The following RND3 variants were observed in gnomAD, a reference collection of about 807,000 sequenced individuals.
RND3 encodes rho-related GTP-binding protein RhoE.
RND3 carries 8 observed loss-of-function variants against 26.5 expected under a neutral mutation model. The ratio of observed to expected loss-of-function variants is 0.30; its 90% confidence interval spans 0.18 to 0.54. The LOEUF (loss-of-function observed/expected upper bound fraction) is 0.54, where lower values mean the gene tolerates loss of function less well. RND3 is among the 20% of genes least tolerant of loss of function. The probability of loss-of-function intolerance (pLI) is 0.94; values close to 1 mark genes in which losing one functional copy is unlikely to be tolerated. For missense variants in RND3, 207 were observed against 302.8 expected (o/e 0.68, Z 2.35); for synonymous variants, 113 against 113.0 (o/e 1.00, Z 0.00).
In RND3 at chr2:150,487,472, A is replaced by ATATATATATATAGAT; in HGVS notation, c.-38-18_-38-17insATCTATATATATATA. The ATATATATATATAGAT allele has an allele frequency of 2.9e-6, 1 of 343,776 alleles. No homozygotes were observed. Among genetic ancestry groups the ATATATATATATAGAT allele is most frequent in the Non-Finnish European group, 4.1e-6 (1 of 245,266 alleles). The allele number at this position is 343,776 out of a possible 1,614,324, so 21.3% of individuals were successfully genotyped here. The stretch of plus-strand genomic sequence containing the variant: ...GAATTTTCTCTTAAGAAGAAAAAAA[A>ATATATATATATAGAT]AAATATATATATATATATATATTTC... On this transcript the variant is annotated splice_polypyrimidine_tract_variant and intron_variant, in intron 1 of 5. Coordinates refer to ENST00000263895, the MANE Select transcript of RND3 (RefSeq NM_005168.5).
In RND3 at chr2:150,478,579, C is replaced by CAAAAAAAAAAAAAA. The variant is rs1229770069; in HGVS notation, c.239-3609_239-3596dup. Among the ~76,000 whole-genome samples the CAAAAAAAAAAAAAA allele has an allele frequency of 1.9e-3, 207 of 106,294 alleles. 2 individuals are homozygous for CAAAAAAAAAAAAAA. Among genetic ancestry groups the CAAAAAAAAAAAAAA allele is most frequent in the African/African-American group, 6.8e-3 (183 of 26,978 alleles). The allele number at this position is 106,294 out of a possible 152,430, so 69.7% of individuals were successfully genotyped here. A position where few individuals can be genotyped will look rare whatever the true frequency, so the allele number is the denominator to read the frequency against. Reference sequence around the variant, plus strand: ...TACAACACCCTGTGAAGCCAAACGGCAAAAAAAAAAAAAAAAAATTAACTT... The same window carrying CAAAAAAAAAAAAAA: ...TACAACACCCTGTGAAGCCAAACGGCAAAAAAAAAAAAAAAAAAAAAAAAAAAAAAAATTAACTT... On this transcript the variant is annotated intron_variant, in intron 3 of 5. Transcript: ENST00000263895.
intron 4 of RND3, among the ~76,000 whole-genome samples, chr2:150,472,185 C>T (rs1686097978): frequency 6.6e-6 from 1 of 152,142 alleles, no homozygotes; most frequent in African/African-American, 2.4e-5. Context: ...GGGGATAAGG[C>T]AGAGGCAACA....
intron 3 of RND3, among the ~76,000 whole-genome samples, chr2:150,476,531 T>G (rs190535209): frequency 3.2e-4 from 49 of 152,202 alleles, no homozygotes; most frequent in Admixed American, 1.6e-3. Flanking sequence ...GTTACAAGAA[T>G]CAGGAAGAAA....
Position 150,486,571 on chromosome 2 carries a change from G to C in RND3, c.238+123C>G, listed in dbSNP as rs1186678849. Reference sequence around the variant, plus strand: ...AGGGATACAATTTTCGCCCAACAGGGACCGTGGGAATCCCTTGGGAGGGGC... The same window carrying C: ...AGGGATACAATTTTCGCCCAACAGGCACCGTGGGAATCCCTTGGGAGGGGC... On this transcript the variant is annotated intron_variant, in intron 3 of 5. Coordinates refer to ENST00000263895, the MANE Select transcript of RND3 (RefSeq NM_005168.5). The surrounding 1 kb of genome is among the most constrained non-coding windows in gnomAD (Gnocchi z 4.5). The C allele has an allele frequency of 3.8e-6, 3 of 782,244 alleles. No individual in the cohort carries two copies. Among genetic ancestry groups the C allele is most frequent in the Middle Eastern group, 2.8e-4 (1 of 3,602 alleles). 48.5% of individuals were successfully genotyped at this position (782,244 alleles called of 1,614,324 possible). A position where few individuals can be genotyped will look rare whatever the true frequency, so the allele number is the denominator to read the frequency against.
At position 150,471,610 on chromosome 2, in the gene RND3, A is replaced by C. The variant is rs754599817; in HGVS notation, c.483+17T>G. ...CTCTTTCTAAAATCCAGTTTTGCAC[A>C]TGGGCAACATACATACCTGGTCATA... On this transcript the variant is annotated intron_variant, in intron 5 of 5. Transcript: ENST00000263895. The C allele has an allele frequency of 1.3e-6, 2 of 1,570,708 alleles. No homozygotes were observed.
In RND3 at chr2:150,487,469, AAAAAAATAT is replaced by A; in HGVS notation, c.-38-23_-38-15del. On this transcript the variant is annotated splice_polypyrimidine_tract_variant and intron_variant, in intron 1 of 5. Transcript: ENST00000263895. Reference sequence around the variant, plus strand: ...CAGGAATTTTCTCTTAAGAAGAAAAAAAAAAATATATATATATATATATATTTCTCTCTT... The same window carrying A: ...CAGGAATTTTCTCTTAAGAAGAAAAAATATATATATATATATTTCTCTCTT... The A allele has an allele frequency of 2.3e-6, 1 of 444,208 alleles. No homozygotes were observed. Among genetic ancestry groups the A allele is most frequent in the Non-Finnish European group, 3.2e-6 (1 of 316,210 alleles). The allele number at this position is 444,208 out of a possible 1,614,324, so 27.5% of individuals were successfully genotyped here. A position where few individuals can be genotyped will look rare whatever the true frequency, so the allele number is the denominator to read the frequency against.
Position 150,487,474 on chromosome 2 carries a change from A to ATATATATATATT in RND3, c.-38-20_-38-19insAATATATATATA. 1 of 195,420 alleles carries ATATATATATATT rather than the reference A, an allele frequency of 5.1e-6. No individual in the cohort carries two copies. The highest frequency in any genetic ancestry group is 8.9e-6 in the Non-Finnish European group (1 of 112,126). 12.1% of individuals were successfully genotyped at this position (195,420 alleles called of 1,614,324 possible). On this transcript the variant is annotated intron_variant, in intron 1 of 5. Coordinates refer to ENST00000263895, the MANE Select transcript of RND3 (RefSeq NM_005168.5). The stretch of plus-strand genomic sequence containing the variant: ...ATTTTCTCTTAAGAAGAAAAAAAAA[A>ATATATATATATT]ATATATATATATATATATATTTCTC...
intron 3 of RND3, among the ~76,000 whole-genome samples, chr2:150,482,838 C>G (rs1423745529): frequency 2.0e-5 from 3 of 152,080 alleles, no homozygotes; most frequent in Non-Finnish European, 4.4e-5. Flanking sequence ...TGGAAAAGGG[C>G]ACTGGGGTTC....
At chr2:150,484,434 T>C (rs1686325983) in intron 3 of RND3, among the ~76,000 whole-genome samples, 1 of 152,230 alleles carries the variant, frequency 6.6e-6, no homozygotes, top group Admixed American at 6.5e-5. Context: ...TTGGTGGTCC[T>C]GTCACTCTTG....
Position 150,469,919 on chromosome 2 carries a change from T to A in RND3, c.*68A>T. On this transcript the variant is annotated 3_prime_UTR_variant, in exon 6 of 6. Coordinates refer to ENST00000263895, the MANE Select transcript of RND3 (RefSeq NM_005168.5). ...CTTTGGCTGTGCACTTCATTTAGAC[T>A]TCACCTTTTTGTTTGCTGTTGTTTT... 2 of 1,577,618 alleles carry A rather than the reference T, an allele frequency of 1.3e-6. No individual in the cohort carries two copies. Among genetic ancestry groups the A allele is most frequent in the Non-Finnish European group, 1.7e-6 (2 of 1,154,558 alleles).
In RND3 at chr2:150,476,865, G is replaced by T. The variant is rs1482125961; in HGVS notation, c.239-1881C>A. ...ACGAGATGGTTGAACACTATTTATG[G>T]CTACATTAGTATTTCCATATTAGTT... On this transcript the variant is annotated intron_variant, in intron 3 of 5. Coordinates refer to ENST00000263895, the MANE Select transcript of RND3 (RefSeq NM_005168.5). Among the ~76,000 whole-genome samples the T allele has an allele frequency of 2.6e-5, 4 of 152,114 alleles. No individual in the cohort carries two copies. The East Asian group carries it at 5.8e-4, about 22-fold the overall frequency.
Position 150,470,182 on chromosome 2 carries a change from T to G in RND3, c.540A>C (p.Leu180Phe), listed in dbSNP as rs1430293512. ...GAATYIECSA[L>F]QSENSVRDIF... is the part of the protein sequence containing the mutation. ...TGTCTCTGACGCTATTTTCCGACTG[T>G]AAAGCTGAGCATTCGATATAAGTAG... The change falls in exon 6 of 6, where the codon TTA becomes TTC. Residue 180 changes from leucine (L) to phenylalanine (F), a missense_variant. Physicochemically the swap from Leu to Phe is conservative, Grantham distance 22. Transcript: ENST00000263895. 6.2e-7 allele frequency: 1 copy of G among 1,613,896 alleles called. No individual in the cohort carries two copies. The highest frequency in any genetic ancestry group is 8.5e-7 in the Non-Finnish European group (1 of 1,179,946).
intron 3 of RND3, among the ~76,000 whole-genome samples, chr2:150,479,298 G>A (rs139018079): frequency 7.4e-4 from 113 of 152,102 alleles, no homozygotes; most frequent in Non-Finnish European, 1.0e-3. Context: ...TCACCCTTTC[G>A]CAAATATAGA....
intron 3 of RND3, among the ~76,000 whole-genome samples, chr2:150,482,906 G>A (rs2105222559): frequency 6.6e-6 from 1 of 152,244 alleles, no homozygotes; most frequent in South Asian, 2.1e-4. Context: ...CGCTAAACCA[G>A]AAGAGCTTCT....
chr2:150,475,783 T>A (rs771510130), intron 3 of RND3, among the ~76,000 whole-genome samples: 5 of 152,174 alleles, frequency 3.3e-5, no homozygotes, highest in Non-Finnish European at 7.4e-5. Context: ...ATCATGTCGC[T>A]TTTTTACAGA....
intron 3 of RND3, among the ~76,000 whole-genome samples, chr2:150,479,445 CTTG>C (rs1686234660): frequency 6.6e-6 from 1 of 152,188 alleles, no homozygotes; most frequent in Non-Finnish European, 1.5e-5. Flanking sequence ...GAAAACTCTT[CTTG>C]TTGAATATTT....
chr2:150,484,461 A>T (rs1414899294), intron 3 of RND3, among the ~76,000 whole-genome samples: 1 of 152,150 alleles, frequency 6.6e-6, no homozygotes, highest in Admixed American at 6.5e-5. Flanking sequence ...GAGATAGGAA[A>T]TGTATAGCCC....
At chr2:150,485,381 G>A (rs890415681) in intron 3 of RND3, 8 of 152,276 alleles carry the variant, frequency 5.3e-5, no homozygotes, top group African/African-American at 1.9e-4. Context: ...AGCGGTTCAA[G>A]CCCAGCGGTT....
chr2:150,478,747 A>T (rs1686216406), intron 3 of RND3, among the ~76,000 whole-genome samples: 1 of 152,092 alleles, frequency 6.6e-6, no homozygotes, highest in Admixed American at 6.6e-5. Flanking sequence ...GTAGGTATTG[A>T]TATACACAGA....
Sources: gnomAD v4.1 joint callset for allele counts (sites outside exome capture counted in the v4.1 genomes callset) on GRCh38, gnomAD v4.1.1 for gene constraint, Gnocchi (gnomAD v3.1) non-coding constraint, MANE v1.5 for transcripts, NCBI Gene and HGNC (gene_info 2026-07-23, HGNC 2026-07-21) for gene names.